The following PCDHGB6 variants were observed in gnomAD, a reference collection of about 807,000 sequenced individuals.
PCDHGB6 encodes protocadherin gamma subfamily B, 6, also known as protocadherin gamma-B6.
A neutral mutation model predicts 59.1 loss-of-function variants in PCDHGB6; 51 were observed. The ratio of observed to expected loss-of-function variants is 0.86; its 90% confidence interval spans 0.69 to 1.09. PCDHGB6 has a LOEUF of 1.09. Ranked by LOEUF, PCDHGB6 falls within the 50% of genes least tolerant of loss-of-function variation. The probability of loss-of-function intolerance (pLI) is 0.00; values close to 1 mark genes in which losing one functional copy is unlikely to be tolerated. For missense variants in PCDHGB6, 1,148 were observed against 1,205.1 expected, an observed-to-expected ratio of 0.95 and a Z score of 0.70; for synonymous variants, 466 against 495.1, an observed-to-expected ratio of 0.94 and a Z score of 0.78.
intron 1 of PCDHGB6, chr5:141,478,148 C>A: frequency 6.2e-7 from 1 of 1,614,066 alleles, no homozygotes; most frequent in Non-Finnish European, 8.5e-7. Flanking sequence ...AGCCGAGTTC[C>A]CCTCTGGCTC....
At chr5:141,452,528 A>T (rs1592223895) in intron 1 of PCDHGB6, among the ~76,000 whole-genome samples, 1 of 152,206 alleles carries the variant, frequency 6.6e-6, no homozygotes, top group African/African-American at 2.4e-5. Flanking sequence ...CAAAATCGTG[A>T]GTTCATATTG....
rs1221295650 is a variant in PCDHGB6 at position 141,489,576 on chromosome 5, C to A, written c.2419-5231C>A. 3 of 1,613,936 alleles carry A rather than the reference C, an allele frequency of 1.9e-6. No individual in the cohort carries two copies. Among genetic ancestry groups the A allele is most frequent in the Non-Finnish European group, 2.5e-6 (3 of 1,179,984 alleles). ...TGCCAGTGCAGGTGGTGACTGAACA[C>A]CCCCTGGAGCTAATCCGTGTAGAGG... On this transcript the variant is annotated intron_variant, in intron 1 of 3. Transcript: ENST00000520790. This position sits in a 1 kb window ranked among gnomAD's most constrained non-coding sequence, Gnocchi z 4.5.
Position 141,489,458 on chromosome 5 carries a change from G to T in PCDHGB6, c.2419-5349G>T, listed in dbSNP as rs143138320. 1 of 1,613,924 alleles carries T rather than the reference G, an allele frequency of 6.2e-7. No homozygotes were observed. Among genetic ancestry groups the T allele is most frequent in the Non-Finnish European group, 8.5e-7 (1 of 1,180,000 alleles). On this transcript the variant is annotated intron_variant, in intron 1 of 3. Coordinates refer to ENST00000520790, the MANE Select transcript of PCDHGB6 (RefSeq NM_018926.3). The surrounding 1 kb of genome is among the most constrained non-coding windows in gnomAD (Gnocchi z 4.5). ...CAATTGGGCTCTGAGGAGAATGGGC[G>T]CTATTTTTCCCTGAGCTTGATGAGT...
intron 1 of PCDHGB6, among the ~76,000 whole-genome samples, chr5:141,460,983 GTA>G (rs59296681): frequency 1.2e-4 from 16 of 137,836 alleles, no homozygotes; most frequent in East Asian, 2.1e-4. Context: ...GTGTGTGTGT[GTA>G]TATATATATA....
In PCDHGB6 at chr5:141,489,091, T is replaced by TCAG. The variant is rs2099682519; in HGVS notation, c.2419-5716_2419-5715insCAG. On this transcript the variant is annotated intron_variant, in intron 1 of 3. Transcript: ENST00000520790. This position sits in a 1 kb window ranked among gnomAD's most constrained non-coding sequence, Gnocchi z 4.5. ...CTGCCCACCCCCGCCACTCGGTGACTAAGAACTGCTGCAAGCAGGCAAACC... is the reference window on the plus strand; with the variant it reads ...CTGCCCACCCCCGCCACTCGGTGACTCAGAAGAACTGCTGCAAGCAGGCAAACC... The TCAG allele has an allele frequency of 3.0e-6, 1 of 333,056 alleles. No individual in the cohort carries two copies. Among genetic ancestry groups the TCAG allele is most frequent in the Non-Finnish European group, 5.5e-6 (1 of 181,380 alleles). 20.6% of individuals were successfully genotyped at this position (333,056 alleles called of 1,614,324 possible). A position where few individuals can be genotyped will look rare whatever the true frequency, so the allele number is the denominator to read the frequency against.
At chr5:141,433,264 G>T in intron 1 of PCDHGB6, 1 of 1,314,872 alleles carries the variant, frequency 7.6e-7, no homozygotes, top group South Asian at 1.4e-5. Flanking sequence ...TACGATCATA[G>T]CTCACTGCAG....
At chr5:141,418,630 A>G in intron 1 of PCDHGB6, 1 of 1,614,046 alleles carries the variant, frequency 6.2e-7, no homozygotes, top group Non-Finnish European at 8.5e-7. Context: ...ACGTGCCTCC[A>G]GGCACCTCCA....
At position 141,493,202 on chromosome 5, in the gene PCDHGB6, A is replaced by G. The variant is rs1246390819; in HGVS notation, c.2419-1605A>G. Among the ~76,000 whole-genome samples, 1 of 152,196 alleles carries G rather than the reference A, an allele frequency of 6.6e-6. No individual in the cohort carries two copies. ...ACTATATAACTCCTTTGAGAACCTC[A>G]TCTCATTTGCTCTTCCCACCATTGC... On this transcript the variant is annotated intron_variant, in intron 1 of 3. Transcript: ENST00000520790. The surrounding 1 kb of genome is among the most constrained non-coding windows in gnomAD (Gnocchi z 4.3).
At chr5:141,427,239 G>C (rs1160872088) in intron 1 of PCDHGB6, 1 of 456,746 alleles carries the variant, frequency 2.2e-6, no homozygotes, top group East Asian at 6.9e-5. Flanking sequence ...GAGAGTAGAA[G>C]CTAAGGATGG....
At position 141,419,294 on chromosome 5, in the gene PCDHGB6, C is replaced by T. The variant is rs770303087; in HGVS notation, c.2418+8674C>T. ...CATAGCGCAAGTCAGTGCCTCTGAC[C>T]CAGACTTCGGGCTCAACGGCCGTGT... On this transcript the variant is annotated intron_variant, in intron 1 of 3. Transcript: ENST00000520790. The T allele has an allele frequency of 1.9e-6, 3 of 1,614,036 alleles. No homozygotes were observed. Among genetic ancestry groups the T allele is most frequent in the East Asian group, 2.2e-5 (1 of 44,886 alleles).
At chr5:141,492,705 C>T (rs2099743225) in intron 1 of PCDHGB6, among the ~76,000 whole-genome samples, 1 of 152,258 alleles carries the variant, frequency 6.6e-6, no homozygotes, top group South Asian at 2.1e-4. Flanking sequence ...ACCCAGAAGC[C>T]TCGAGCAGGC....
chr5:141,463,388 C>T (rs1470533734), intron 1 of PCDHGB6, among the ~76,000 whole-genome samples: 1 of 150,092 alleles, frequency 6.7e-6, no homozygotes, highest in Non-Finnish European at 1.5e-5. Flanking sequence ...AAAGTTGTCT[C>T]CAGGCAAAAA....
At position 141,418,763 on chromosome 5, in the gene PCDHGB6, C is replaced by G. The variant is rs914122527; in HGVS notation, c.2418+8143C>G. The stretch of plus-strand genomic sequence containing the variant: ...TCTGGATTACACTACAGGAAACATT[C>G]TAACTCAGCAGCCTTTGGATTTTGA... On this transcript the variant is annotated intron_variant, in intron 1 of 3. Coordinates refer to ENST00000520790, the MANE Select transcript of PCDHGB6 (RefSeq NM_018926.3). 5 of 1,613,728 alleles carry G rather than the reference C, an allele frequency of 3.1e-6. No homozygotes were observed. The Admixed American group carries it at 5.0e-5, about 16-fold the overall frequency.
At position 141,512,430 on chromosome 5, in the gene PCDHGB6, CT is replaced by C. The variant is rs1357890225; in HGVS notation, c.*1258del. The C allele has an allele frequency of 1.3e-5, 2 of 152,824 alleles. No homozygotes were observed. Among genetic ancestry groups the C allele is most frequent in the Non-Finnish European group, 2.9e-5 (2 of 68,158 alleles). 9.5% of individuals were successfully genotyped at this position (152,824 alleles called of 1,614,324 possible). On this transcript the variant is annotated 3_prime_UTR_variant, in exon 4 of 4. Coordinates refer to ENST00000520790, the MANE Select transcript of PCDHGB6 (RefSeq NM_018926.3). ...CTTCTTCAACAGGGCCCCTGCCCTCCTGAAGCCTCAGTCCTTCACCTTGCCA... is the reference window on the plus strand; with the variant it reads ...CTTCTTCAACAGGGCCCCTGCCCTCCGAAGCCTCAGTCCTTCACCTTGCCA...
rs1054594374 is a variant in PCDHGB6 at position 141,489,607 on chromosome 5, A to G, written c.2419-5200A>G. On this transcript the variant is annotated intron_variant, in intron 1 of 3. Coordinates refer to ENST00000520790, the MANE Select transcript of PCDHGB6 (RefSeq NM_018926.3). This position sits in a 1 kb window ranked among gnomAD's most constrained non-coding sequence, Gnocchi z 4.5. ...GGAGCTAATCCGTGTAGAGGTAGAG[A>G]TCCTGGATCTCAATGACAACTCTCC... The G allele has an allele frequency of 6.2e-6, 10 of 1,613,850 alleles. No homozygotes were observed. The highest frequency in any genetic ancestry group is 8.5e-6 in the Non-Finnish European group (10 of 1,179,956).
rs747509171 is a variant in PCDHGB6, at chr5:141,477,069, A to G, written c.2419-17738A>G. The stretch of plus-strand genomic sequence containing the variant: ...CTGGACTTCGAGGACACCAAACTCC[A>G]TGAGATTTACATCCAGGCCAAAGAC... On this transcript the variant is annotated intron_variant, in intron 1 of 3. Coordinates refer to ENST00000520790, the MANE Select transcript of PCDHGB6 (RefSeq NM_018926.3). The surrounding 1 kb of genome is among the most constrained non-coding windows in gnomAD (Gnocchi z 4.9). 7 of 1,614,246 alleles carry G rather than the reference A, an allele frequency of 4.3e-6. No homozygotes were observed. The highest frequency in any genetic ancestry group is 5.9e-6 in the Non-Finnish European group (7 of 1,180,026).
intron 2 of PCDHGB6, among the ~76,000 whole-genome samples, chr5:141,498,091 C>G (rs2099781521): frequency 6.6e-6 from 1 of 152,156 alleles, no homozygotes; most frequent in African/African-American, 2.4e-5. Context: ...AGAATTGTAT[C>G]TGGTGGTGTG....
At chr5:141,481,795 T>C (rs2154579318) in intron 1 of PCDHGB6, among the ~76,000 whole-genome samples, 1 of 150,244 alleles carries the variant, frequency 6.7e-6, no homozygotes, top group South Asian at 2.1e-4. Context: ...CTACTAAAAA[T>C]ACAAAAATTC....
At chr5:141,500,188 ATT>A (rs2099797463) in intron 2 of PCDHGB6, among the ~76,000 whole-genome samples, 1 of 98,146 alleles carries the variant, frequency 1.0e-5, no homozygotes, top group African/African-American at 5.1e-5. Flanking sequence ...TTTTATTTTT[ATT>A]TATTTATTTA....
Sources: allele counts gnomAD v4.1 joint callset (sites outside exome capture counted in the v4.1 genomes callset), GRCh38; gene constraint gnomAD v4.1.1; non-coding constraint Gnocchi (gnomAD v3.1); transcripts MANE v1.5; gene names NCBI Gene and HGNC (gene_info 2026-07-23, HGNC 2026-07-21).